Variants in EDC3 observed in about 807,000 individuals in gnomAD.
EDC3 encodes enhancer of mRNA decapping 3.
Under a neutral mutation model 41.8 loss-of-function variants are expected in EDC3, and 20 were observed. The observed-to-expected ratio is 0.48, with a 90% CI of 0.34 to 0.70. EDC3 has a LOEUF of 0.70. Ranked by LOEUF, EDC3 falls within the 30% of genes least tolerant of loss-of-function variation. The pLI is 0.01. For synonymous variants in EDC3, 206 were observed against 243.2 expected, an observed-to-expected ratio of 0.85 and a Z score of 1.42; for missense variants, 444 against 636.8, an observed-to-expected ratio of 0.70 and a Z score of 3.26.
intron 4 of EDC3, among the ~76,000 whole-genome samples, chr15:74,654,422 T>C (rs1016933650): frequency 3.3e-5 from 5 of 152,214 alleles, no homozygotes; most frequent in Non-Finnish European, 5.9e-5. Context: ...CAGAGGTAGA[T>C]AGTTGGCTGA....
chr15:74,649,742 ACTC>A (rs1281096703), intron 4 of EDC3, among the ~76,000 whole-genome samples: 1 of 151,380 alleles, frequency 6.6e-6, no homozygotes, highest in African/African-American at 2.4e-5. Flanking sequence ...ATAACTTTTA[ACTC>A]CTCATTAAAG....
At position 74,632,919 on chromosome 15, in the gene EDC3, A is replaced by C; in HGVS notation, c.1220T>G (p.Val407Gly). 1 of 1,614,182 alleles carries C rather than the reference A, an allele frequency of 6.2e-7. No individual in the cohort carries two copies. Among genetic ancestry groups the C allele is most frequent in the Non-Finnish European group, 8.5e-7 (1 of 1,180,014 alleles). ...KDLPTSPVDL[V>G]INCLDCPENV... ...CTCAGGGCAATCCAGGCAGTTGATG[A>C]CCAGGTCCACAGGGCTAGTGGGCAG... is the stretch of plus-strand genomic sequence containing the variant. Residue 407 changes from valine to glycine, a missense_variant, in exon 7 of 7, where the codon GTC becomes GGC. Physicochemically the swap from Val to Gly is moderately radical, Grantham distance 109. Around this residue, in one of 3 missense-constraint regions of EDC3, gnomAD observed 242 missense variants for 363.8 expected, o/e 0.67. Coordinates refer to ENST00000315127, the MANE Select transcript of EDC3 (RefSeq NM_025083.5). This position sits in a 1 kb window ranked among gnomAD's most constrained non-coding sequence, Gnocchi z 4.0.
Position 74,632,932 on chromosome 15 carries a change from G to T in EDC3, c.1207C>A (p.Pro403Thr). 6.2e-7 allele frequency: 1 copy of T among 1,613,878 alleles called. No individual in the cohort carries two copies. Among genetic ancestry groups the T allele is most frequent in the Non-Finnish European group, 8.5e-7 (1 of 1,179,764 alleles). ...AGGCAGTTGATGACCAGGTCCACAG[G>T]GCTAGTGGGCAGATCTGCAGGTGGA... ...VSSLKDLPTS[P>T]VDLVINCLDC... Residue 403 changes from proline to threonine, a missense_variant, in exon 7 of 7, where the codon CCT (proline) becomes ACT (threonine). Pro to Thr is a conservative substitution (Grantham distance 38). Transcript: ENST00000315127. The surrounding 1 kb of genome is among the most constrained non-coding windows in gnomAD (Gnocchi z 4.0).
rs183723679 is a variant in EDC3, at chr15:74,692,447, C to T, written c.-19+3433G>A. On this transcript the variant is annotated intron_variant, in intron 1 of 6. Transcript: ENST00000315127. Reference sequence around the variant, plus strand: ...TCTATGAAACACGTAAGAAATAATACCAATCCTACACAAACTATTTCAGAA... The same window carrying T: ...TCTATGAAACACGTAAGAAATAATATCAATCCTACACAAACTATTTCAGAA... Among the ~76,000 whole-genome samples the T allele has an allele frequency of 5.5e-3, 838 of 152,200 alleles. 3 individuals are homozygous for T. Among genetic ancestry groups the T allele is most frequent in the Non-Finnish European group, 7.7e-3 (524 of 68,006 alleles).
intron 5 of EDC3, chr15:74,637,208 T>G (rs1395967776): frequency 6.6e-6 from 1 of 152,234 alleles, no homozygotes; most frequent in African/African-American, 2.4e-5. Context: ...GTCTGATTTC[T>G]CAACATCAGC....
chr15:74,640,814 C>A (rs2062342455), intron 4 of EDC3, 195 bp from the exon 5 acceptor site: 2 of 636,498 alleles, frequency 3.1e-6, no homozygotes, highest in South Asian at 2.0e-5. Flanking sequence ...AACCAAGTAA[C>A]AACTTGTTCC....
chr15:74,688,918 A>G (rs1196478081), intron 1 of EDC3, among the ~76,000 whole-genome samples: 2 of 152,016 alleles, frequency 1.3e-5, no homozygotes, highest in African/African-American at 4.8e-5. Flanking sequence ...AAAAAAAAAA[A>G]AAAAAAAGTA....
intron 3 of EDC3, among the ~76,000 whole-genome samples, chr15:74,669,093 G>A (rs139825821): frequency 3.3e-5 from 5 of 151,982 alleles, no homozygotes; most frequent in East Asian, 1.9e-4. Context: ...AAAATTAGCC[G>A]GGCGCAGTGG....
At position 74,632,722 on chromosome 15, in the gene EDC3, G is replaced by A. The variant is rs774528932; in HGVS notation, c.1417C>T (p.Arg473Cys). Residue 473 changes from arginine (R) to cysteine (C), a missense_variant, in exon 7 of 7, where the codon CGT becomes TGT. By Grantham distance (180) the Arg-to-Cys change is radical. This residue lies in a region of EDC3 where 242 missense variants were observed against 363.8 expected (regional missense o/e 0.67). Coordinates refer to ENST00000315127, the MANE Select transcript of EDC3 (RefSeq NM_025083.5). This position sits in a 1 kb window ranked among gnomAD's most constrained non-coding sequence, Gnocchi z 4.0. ...LPLPLGEHAG[R>C]IYLCDIGIPQ... ...ATGCCAATGTCGCACAAATAGATAC[G>A]GCCTGCGTGCTCCCCCAGTGGCAGA... 23 of 1,614,004 alleles carry A rather than the reference G, an allele frequency of 1.4e-5. No individual in the cohort carries two copies. In the Admixed American group the frequency reaches 2.7e-4, roughly 19 times the overall value.
At chr15:74,670,010 ATT>A (rs757043746) in intron 3 of EDC3, among the ~76,000 whole-genome samples, 2 of 116,354 alleles carry the variant, frequency 1.7e-5, no homozygotes, top group African/African-American at 7.1e-5. Context: ...CGCCCAGCTA[ATT>A]TTTTTTTTTT....
chr15:74,649,091 G>A (rs546972205), intron 4 of EDC3, among the ~76,000 whole-genome samples: 85 of 136,480 alleles, frequency 6.2e-4, no homozygotes, highest in Non-Finnish European at 9.7e-4. Flanking sequence ...TTGAGACAGA[G>A]TCTCACTCTG....
intron 1 of EDC3, among the ~76,000 whole-genome samples, chr15:74,688,883 G>C (rs896691990): frequency 6.6e-6 from 1 of 151,116 alleles, no homozygotes; most frequent in South Asian, 2.1e-4. Context: ...CTCCAGTATG[G>C]GTGACAGAGC....
Position 74,671,114 on chromosome 15 carries a change from C to A in EDC3, c.484+341G>T. ...CTCCTGGGCTCAAACAATCCTCCTG[C>A]CTCAACCTCTCAAGTAGCTGGGACT... is the stretch of plus-strand genomic sequence containing the variant. On this transcript the variant is annotated intron_variant, in intron 3 of 6. Transcript: ENST00000315127. The surrounding 1 kb of genome is among the most constrained non-coding windows in gnomAD (Gnocchi z 4.6). Among the ~76,000 whole-genome samples the A allele has an allele frequency of 6.6e-6, 1 of 152,162 alleles. No homozygotes were observed. The highest frequency in any genetic ancestry group is 1.9e-4 in the East Asian group (1 of 5,206).
At chr15:74,673,966 G>A (rs1182759591) in intron 2 of EDC3, among the ~76,000 whole-genome samples, 1 of 151,780 alleles carries the variant, frequency 6.6e-6, no homozygotes, top group Non-Finnish European at 1.5e-5. Flanking sequence ...TAACAGGTGA[G>A]TAGAAGAAAA....
rs776218807 is a variant in EDC3, at chr15:74,635,615, T to C, written c.986A>G (p.Lys329Arg). The change falls in exon 6 of 7, where the codon AAA becomes AGA. Residue 329 changes from lysine (K) to arginine (R), a missense_variant. By Grantham distance (26) the Lys-to-Arg change is conservative. Coordinates refer to ENST00000315127, the MANE Select transcript of EDC3 (RefSeq NM_025083.5). The part of the protein sequence containing the change: ...LLGGPNRLNP[K>R]NVHQRPTVAL... ...CACTGTAGGCCTCTGGTGAACATTT[T>C]TGGGATTCAACCTGGAAAAGAAGGT... The C allele has an allele frequency of 2.5e-6, 4 of 1,612,278 alleles. No homozygotes were observed. The highest frequency in any genetic ancestry group is 1.3e-5 in the African/African-American group (1 of 74,856).
Position 74,671,856 on chromosome 15 carries a change from C to T in EDC3, c.165-82G>A. 1 of 1,390,784 alleles carries T rather than the reference C, an allele frequency of 7.2e-7. No homozygotes were observed. Among genetic ancestry groups the T allele is most frequent in the African/African-American group, 1.4e-5 (1 of 70,190 alleles). 86.2% of individuals were successfully genotyped at this position (1,390,784 alleles called of 1,614,324 possible). Reference sequence around the variant, plus strand: ...ACTGAGATCATTAGCAAACAGCTACCCCTTTGCAGGACTGCATTTTATTGA... The same window carrying T: ...ACTGAGATCATTAGCAAACAGCTACTCCTTTGCAGGACTGCATTTTATTGA... On this transcript the variant is annotated intron_variant, in intron 2 of 6. Transcript: ENST00000315127. The surrounding 1 kb of genome is among the most constrained non-coding windows in gnomAD (Gnocchi z 4.6).
chr15:74,695,452 C>T (rs1289299220), intron 1 of EDC3: 1 of 152,184 alleles, frequency 6.6e-6, no homozygotes, highest in Admixed American at 6.5e-5. Context: ...CAGGCATCCT[C>T]TTTTTCTACC....
In EDC3 at chr15:74,657,258, T is replaced by C. The variant is rs577982869; in HGVS notation, c.485-1190A>G. The stretch of plus-strand genomic sequence containing the variant: ...CTTCAGGAGTTGTAGACACCCCACC[T>C]AGATGCTGCCATATGGCCTGCACAG... On this transcript the variant is annotated intron_variant, in intron 3 of 6. Coordinates refer to ENST00000315127, the MANE Select transcript of EDC3 (RefSeq NM_025083.5). Among the ~76,000 whole-genome samples, 11 of 152,332 alleles carry C rather than the reference T, an allele frequency of 7.2e-5. 1 individual carries two copies. In the South Asian group the frequency reaches 2.3e-3, roughly 32 times the overall value.
At chr15:74,640,762 G>T in intron 4 of EDC3, 143 bp from the exon 5 acceptor site, 1 of 994,088 alleles carries the variant, frequency 1.0e-6, no homozygotes, top group Non-Finnish European at 1.5e-6. Flanking sequence ...CCGGGACTAA[G>T]GCACGCTCTG....
Sources: allele counts gnomAD v4.1 joint callset (sites outside exome capture counted in the v4.1 genomes callset), GRCh38; gene constraint gnomAD v4.1.1; regional missense constraint gnomAD v4.1.1; non-coding constraint Gnocchi (gnomAD v3.1); transcripts MANE v1.5; gene names NCBI Gene and HGNC (gene_info 2026-07-23, HGNC 2026-07-21).